The following MAML1 variants were observed in gnomAD, a reference collection of about 807,000 sequenced individuals.
The protein encoded by MAML1 is mastermind-like protein 1.
MAML1 carries 14 observed loss-of-function variants against 77.1 expected under a neutral mutation model. The observed-to-expected ratio is 0.18, with a 90% CI of 0.12 to 0.28. The LOEUF (loss-of-function observed/expected upper bound fraction) is 0.28, where lower values mean the gene tolerates loss of function less well. Among genes scored for constraint, MAML1 ranks in the 10% least tolerant of loss-of-function variants. MAML1 has a pLI of 1.00. For synonymous variants in MAML1, 516 were observed against 551.9 expected, an observed-to-expected ratio of 0.93 and a Z score of 0.91; for missense variants, 1,217 against 1,327.8, an observed-to-expected ratio of 0.92 and a Z score of 1.30.
At chr5:179,773,861 A>G (rs752583341) in intron 4 of MAML1, 34 bp from the exon 5 acceptor site, 1 of 1,582,614 alleles carries the variant, frequency 6.3e-7, no homozygotes, top group Non-Finnish European at 8.6e-7. Flanking sequence ...GTGGTGGTCG[A>G]CTCCTGACTG....
chr5:179,762,580 G>A (rs1779743218), intron 1 of MAML1, among the ~76,000 whole-genome samples: 1 of 152,208 alleles, frequency 6.6e-6, no homozygotes, highest in East Asian at 1.9e-4. Context: ...CCTTTGAGCT[G>A]AGCACCCAGA....
chr5:179,740,704 T>C (rs55975622), intron 1 of MAML1, among the ~76,000 whole-genome samples: 34,943 of 151,830 alleles, frequency 0.23, 4,580 homozygotes, highest in Non-Finnish European at 0.3. Context: ...GTGGTAGCAG[T>C]GGAGATGGAG....
At chr5:179,764,628 C>G (rs1193004949) in intron 1 of MAML1, among the ~76,000 whole-genome samples, 3 of 151,348 alleles carry the variant, frequency 2.0e-5, no homozygotes, top group Admixed American at 1.3e-4. Context: ...CCATTGCACT[C>G]CAGCCTGGGC....
At chr5:179,756,813 T>G (rs1450298746) in intron 1 of MAML1, among the ~76,000 whole-genome samples, 1 of 152,152 alleles carries the variant, frequency 6.6e-6, no homozygotes, top group Non-Finnish European at 1.5e-5. Flanking sequence ...GAGAGAGATT[T>G]AGAAGGGCGA....
At position 179,766,382 on chromosome 5, in the gene MAML1, G is replaced by C. The variant is rs1195427518; in HGVS notation, c.1372G>C (p.Asp458His). The change falls in exon 2 of 5, where the codon GAC becomes CAC. Residue 458 changes from aspartate to histidine, a missense_variant. Physicochemically the swap from Asp to His is moderately conservative, Grantham distance 81 (BLOSUM62 -1). Coordinates refer to ENST00000292599, the MANE Select transcript of MAML1 (RefSeq NM_014757.5). The surrounding 1 kb of genome is among the most constrained non-coding windows in gnomAD (Gnocchi z 4.0). ...TGCCAGCCCTTCCAGCTACAAGCAA[G>C]ACTTCACTAACTCCAAACTGCTCAT... ...KPASPSSYKQ[D>H]FTNSKLLMMP... The C allele has an allele frequency of 6.2e-7, 1 of 1,609,894 alleles. No homozygotes were observed. Among genetic ancestry groups the C allele is most frequent in the South Asian group, 1.1e-5 (1 of 90,590 alleles).
rs1015413344 is a variant in MAML1 at position 179,775,318 on chromosome 5, A to G, written c.*441A>G. ...AGCAGAATTATTTGCAATTTGTAGCATAGAAAAGATTTTTAAATTTTTTTA... is the reference window on the plus strand; with the variant it reads ...AGCAGAATTATTTGCAATTTGTAGCGTAGAAAAGATTTTTAAATTTTTTTA... On this transcript the variant is annotated 3_prime_UTR_variant, in exon 5 of 5. Coordinates refer to ENST00000292599, the MANE Select transcript of MAML1 (RefSeq NM_014757.5). 1.1e-5 allele frequency: 11 copies of G among 986,384 alleles called. No homozygotes were observed. Among genetic ancestry groups the G allele is most frequent in the African/African-American group, 1.1e-4 (6 of 56,784 alleles). 61.1% of individuals were successfully genotyped at this position (986,384 alleles called of 1,614,324 possible).
Position 179,771,586 on chromosome 5 carries a change from A to G in MAML1, c.2068+343A>G, listed in dbSNP as rs1285808574. Among the ~76,000 whole-genome samples the G allele has an allele frequency of 6.6e-6, 1 of 152,230 alleles. No individual in the cohort carries two copies. Among genetic ancestry groups the G allele is most frequent in the Non-Finnish European group, 1.5e-5 (1 of 68,036 alleles). On this transcript the variant is annotated intron_variant, in intron 4 of 4. Coordinates refer to ENST00000292599, the MANE Select transcript of MAML1 (RefSeq NM_014757.5). This position sits in a 1 kb window ranked among gnomAD's most constrained non-coding sequence, Gnocchi z 4.7. ...TTCTGCTTTTATGTGTCTTCAAAAAATGACTCCTATCTTCCAGATAAGGAC... is the reference window on the plus strand; with the variant it reads ...TTCTGCTTTTATGTGTCTTCAAAAAGTGACTCCTATCTTCCAGATAAGGAC...
chr5:179,756,525 A>G (rs1381076383), intron 1 of MAML1, among the ~76,000 whole-genome samples: 4 of 152,064 alleles, frequency 2.6e-5, no homozygotes, highest in Admixed American at 6.6e-5. Flanking sequence ...CCCCAAGGGA[A>G]TGGCAGGGAA....
Position 179,776,628 on chromosome 5 carries a change from G to T in MAML1, c.*1751G>T. ...TGAAGGGGAAGAGGGTGACCTCAGC[G>T]GCTTTTCTCCCAAAAATCGGCTGAA... On this transcript the variant is annotated 3_prime_UTR_variant, in exon 5 of 5. Coordinates refer to ENST00000292599, the MANE Select transcript of MAML1 (RefSeq NM_014757.5). 1 of 985,650 alleles carries T rather than the reference G, an allele frequency of 1.0e-6. No homozygotes were observed. Among genetic ancestry groups the T allele is most frequent in the Non-Finnish European group, 1.2e-6 (1 of 829,956 alleles). 61.1% of individuals were successfully genotyped at this position (985,650 alleles called of 1,614,324 possible). A position where few individuals can be genotyped will look rare whatever the true frequency, so the allele number is the denominator to read the frequency against.
At chr5:179,758,651 A>G (rs993715799) in intron 1 of MAML1, among the ~76,000 whole-genome samples, 6 of 151,672 alleles carry the variant, frequency 4.0e-5, no homozygotes, top group Non-Finnish European at 8.8e-5. Context: ...TATCCTCCCA[A>G]AGTGCTAGGA....
In MAML1 at chr5:179,774,092, C is replaced by T. The variant is rs753783385; in HGVS notation, c.2266C>T (p.Leu756Phe). Residue 756 changes from leucine (L) to phenylalanine (F), a missense_variant, in exon 5 of 5, where the codon CTC becomes TTC. Leu to Phe is a conservative substitution (Grantham distance 22). Around this residue, in one of 3 missense-constraint regions of MAML1, gnomAD observed 884 missense variants for 949.3 expected, o/e 0.93. Transcript: ENST00000292599. ...CTCCCAAAACATGCCTCAGAGCAGC[C>T]TCTATGGCATGGCTTCTGGCATAAC... ...PGSQNMPQSS[L>F]YGMASGITQI... is the part of the protein sequence containing the mutation. The T allele has an allele frequency of 4.3e-6, 7 of 1,613,888 alleles. No individual in the cohort carries two copies. The highest frequency in any genetic ancestry group is 1.3e-5 in the African/African-American group (1 of 74,946).
rs1452486077 is a variant in MAML1, at chr5:179,768,966, A to G, written c.1848A>G (p.Gln616=). Residue 616 remains glutamine, a synonymous_variant, in exon 3 of 5, where the codon CAA becomes CAG. Transcript: ENST00000292599. ...GCTCCCCCTATCTCAGCAGCCAGCA[A>G]CAGGCCGCTGTAATGAAGCAGCATC... is the stretch of plus-strand genomic sequence containing the variant. ...HNSSPYLSSQ[Q]QAAVMKQHQL... The G allele has an allele frequency of 2.5e-6, 4 of 1,614,112 alleles. No homozygotes were observed. The highest frequency in any genetic ancestry group is 3.3e-5 in the Admixed American group (2 of 60,000).
At position 179,765,939 on chromosome 5, in the gene MAML1, A is replaced by G; in HGVS notation, c.929A>G (p.Glu310Gly). The G allele has an allele frequency of 1.6e-5, 26 of 1,614,144 alleles. No homozygotes were observed. The highest frequency in any genetic ancestry group is 2.2e-5 in the Non-Finnish European group (26 of 1,180,032). Residue 310 changes from glutamate to glycine, a missense_variant, in exon 2 of 5, where the codon GAA (glutamate) becomes GGA (glycine). This residue lies in a region of MAML1 where 884 missense variants were observed against 949.3 expected (regional missense o/e 0.93). Transcript: ENST00000292599. ...TTCTCTCCAGCAGCCTTTGAGCAAGAACAGTTAGGCTCTCCACAAGTGAGG... is the reference window on the plus strand; with the variant it reads ...TTCTCTCCAGCAGCCTTTGAGCAAGGACAGTTAGGCTCTCCACAAGTGAGG... ...TEFSPAAFEQ[E>G]QLGSPQVRAG...
At position 179,766,602 on chromosome 5, in the gene MAML1, G is replaced by A. The variant is rs747158924; in HGVS notation, c.1592G>A (p.Gly531Glu). Reference protein sequence around the residue: ...YKADCGQGSPGSGQSKPALMA... With the variant: ...YKADCGQGSPESGQSKPALMA... ...GCGGACTGTGGGCAAGGCAGCCCGG[G>A]GTCTGGCCAGAGCAAGCCAGCCCTG... Residue 531 changes from glycine to glutamate, a missense_variant, in exon 2 of 5, where the codon GGG becomes GAG. Transcript: ENST00000292599. The surrounding 1 kb of genome is among the most constrained non-coding windows in gnomAD (Gnocchi z 4.0). 1.2e-6 allele frequency: 2 copies of A among 1,613,140 alleles called. No individual in the cohort carries two copies. Among genetic ancestry groups the A allele is most frequent in the East Asian group, 4.5e-5 (2 of 44,848 alleles).
At chr5:179,739,192 T>G (rs1038100985) in intron 1 of MAML1, among the ~76,000 whole-genome samples, 2 of 151,940 alleles carry the variant, frequency 1.3e-5, no homozygotes, top group Non-Finnish European at 2.9e-5. Flanking sequence ...GAAAAAAAAG[T>G]AAAAAAATAA....
intron 4 of MAML1, among the ~76,000 whole-genome samples, chr5:179,773,501 GCGCGCCCCAT>G (rs1043943864): frequency 6.7e-6 from 1 of 149,024 alleles, no homozygotes; most frequent in Non-Finnish European, 1.5e-5. Context: ...TGCTGGCCAG[GCGCGCCCCAT>G]CGCGCCCCAT....
rs532433889 is a variant in MAML1 at position 179,770,539 on chromosome 5, A to G, written c.1972-608A>G. On this transcript the variant is annotated intron_variant, in intron 3 of 4. Coordinates refer to ENST00000292599, the MANE Select transcript of MAML1 (RefSeq NM_014757.5). ...GTAACAGCAATTGATTCCTCTTGATAATAATATTCCATTGTATGGACATGT... is the reference window on the plus strand; with the variant it reads ...GTAACAGCAATTGATTCCTCTTGATGATAATATTCCATTGTATGGACATGT... Among the ~76,000 whole-genome samples the G allele has an allele frequency of 2.2e-4, 34 of 152,346 alleles. 1 individual carries two copies. The highest frequency in any genetic ancestry group is 2.0e-3 in the Admixed American group (31 of 15,308).
rs755592900 is a variant in MAML1 at position 179,771,216 on chromosome 5, T to C, written c.2041T>C (p.Phe681Leu). 3 of 1,614,154 alleles carry C rather than the reference T, an allele frequency of 1.9e-6. No individual in the cohort carries two copies. The highest frequency in any genetic ancestry group is 1.6e-4 in the Middle Eastern group (1 of 6,062). The change falls in exon 4 of 5, where the codon TTC becomes CTC. Residue 681 changes from phenylalanine (F) to leucine (L), a missense_variant. Phe to Leu is a conservative substitution (Grantham distance 22). Around this residue, in one of 3 missense-constraint regions of MAML1, gnomAD observed 884 missense variants for 949.3 expected, o/e 0.93. Transcript: ENST00000292599. This position sits in a 1 kb window ranked among gnomAD's most constrained non-coding sequence, Gnocchi z 4.7. Reference sequence around the variant, plus strand: ...GTACCAAGACCCGACACAAGGCAGCTTCCCACAGCAGGTTGGACAGTTCAC... The same window carrying C: ...GTACCAAGACCCGACACAAGGCAGCCTCCCACAGCAGGTTGGACAGTTCAC... Reference protein sequence around the residue: ...PQYQDPTQGSFPQQVGQFTGS... With the variant: ...PQYQDPTQGSLPQQVGQFTGS...
chr5:179,744,172 G>A (rs1233031010), intron 1 of MAML1, among the ~76,000 whole-genome samples: 1 of 152,070 alleles, frequency 6.6e-6, no homozygotes, highest in Non-Finnish European at 1.5e-5. Flanking sequence ...AACAAAAAGA[G>A]GTATAAAAAA....
Sources: allele counts gnomAD v4.1 joint callset (sites outside exome capture counted in the v4.1 genomes callset), GRCh38; gene constraint gnomAD v4.1.1; regional missense constraint gnomAD v4.1.1; non-coding constraint Gnocchi (gnomAD v3.1); transcripts MANE v1.5; gene names NCBI Gene and HGNC (gene_info 2026-07-23, HGNC 2026-07-21).